The following CCDC175 variants were observed in gnomAD, a reference collection of about 807,000 sequenced individuals.
CCDC175 encodes coiled-coil domain-containing protein 175.
CCDC175 carries 100 observed loss-of-function variants against 114.6 expected under a neutral mutation model. That is an observed-to-expected ratio of 0.87 (90% CI 0.74 to 1.03). The LOEUF is 1.03. CCDC175 is among the 50% of genes least tolerant of loss of function. The pLI is 0.00. For missense variants in CCDC175, 880 were observed against 917.8 expected (o/e 0.96, Z 0.53); for synonymous variants, 306 against 308.7 (o/e 0.99, Z 0.09).
chr14:59,557,385 A>G (rs1453192863), intron 7 of CCDC175, among the ~76,000 whole-genome samples: 1 of 147,098 alleles, frequency 6.8e-6, no homozygotes, highest in Non-Finnish European at 1.5e-5. Context: ...CAAACATCCC[A>G]TGTTCTCACT....
chr14:59,547,833 ATAAAT>A (rs1895208009), intron 8 of CCDC175, among the ~76,000 whole-genome samples: 3 of 152,358 alleles, frequency 2.0e-5, no homozygotes. Context: ...ATTAAAATTA[ATAAAT>A]TATATTCATC....
At position 59,506,171 on chromosome 14, in the gene CCDC175, C is replaced by T. The variant is rs113856235; in HGVS notation, c.2306-856G>A. The stretch of plus-strand genomic sequence containing the variant: ...ATATTTGTCTAAAACTATTAGTTTG[C>T]GAGACTATTGCACATTGAAGCCATC... On this transcript the variant is annotated intron_variant, in intron 19 of 19. Transcript: ENST00000537690. Among the ~76,000 whole-genome samples, 395 of 151,446 alleles carry T rather than the reference C, an allele frequency of 2.6e-3. 1 individual carries two copies. Among genetic ancestry groups the T allele is most frequent in the African/African-American group, 6.9e-3 (283 of 41,264 alleles).
intron 16 of CCDC175, among the ~76,000 whole-genome samples, chr14:59,522,725 A>T (rs1354219902): frequency 6.6e-6 from 1 of 152,168 alleles, no homozygotes; most frequent in Non-Finnish European, 1.5e-5. Context: ...CTGCCTCTAC[A>T]TTAATGATAC....
chr14:59,565,424 G>C, intron 4 of CCDC175, 149 bp from the exon 5 acceptor site: 1 of 724,224 alleles, frequency 1.4e-6, no homozygotes, highest in Non-Finnish European at 2.2e-6. Context: ...TTGGTTGAAG[G>C]CCAGGTGCAG....
intron 16 of CCDC175, among the ~76,000 whole-genome samples, chr14:59,524,887 G>A (rs1172086852): frequency 6.6e-6 from 1 of 152,124 alleles, no homozygotes; most frequent in African/African-American, 2.4e-5. Context: ...ACAGAACTAA[G>A]AATAACAAAC....
At chr14:59,515,119 G>C (rs1270562832) in intron 17 of CCDC175, among the ~76,000 whole-genome samples, 4 of 152,148 alleles carry the variant, frequency 2.6e-5, no homozygotes, top group Non-Finnish European at 4.4e-5. Context: ...CAAATGATGA[G>C]AGATTTTGTC....
At chr14:59,553,337 A>G (rs1232516932) in intron 7 of CCDC175, among the ~76,000 whole-genome samples, 3 of 152,240 alleles carry the variant, frequency 2.0e-5, no homozygotes, top group Non-Finnish European at 4.4e-5. Flanking sequence ...AGAATTTTCA[A>G]CCCAGAATTT....
intron 13 of CCDC175, 46 bp downstream of exon 13, chr14:59,537,976 CT>C (rs1360430451): frequency 7.4e-7 from 1 of 1,358,962 alleles, no homozygotes; most frequent in Non-Finnish European, 1.0e-6. Flanking sequence ...CCCCCTCCCC[CT>C]CATGTAGTCA....
intron 9 of CCDC175, 49 bp downstream of exon 9, chr14:59,545,114 C>T: frequency 1.3e-6 from 2 of 1,489,668 alleles, no homozygotes; most frequent in Non-Finnish European, 1.8e-6. Flanking sequence ...GCAAGAAAAG[C>T]ACCCCATAAT....
chr14:59,562,798 C>T (rs769213392), intron 6 of CCDC175, among the ~76,000 whole-genome samples: 12 of 152,116 alleles, frequency 7.9e-5, no homozygotes, highest in South Asian at 2.1e-4. Context: ...AGATAGAATA[C>T]GTTTTATATA....
chr14:59,518,978 C>T (rs1407708350), intron 17 of CCDC175, among the ~76,000 whole-genome samples: 1 of 152,178 alleles, frequency 6.6e-6, no homozygotes, highest in Non-Finnish European at 1.5e-5. Context: ...GCATGGAATA[C>T]TATGCAGCCA....
chr14:59,568,188 T>G (rs1896660749), intron 4 of CCDC175, 57 bp downstream of exon 4: 6 of 1,464,804 alleles, frequency 4.1e-6, no homozygotes, highest in Non-Finnish European at 5.4e-6. Context: ...CCCGACAATT[T>G]TCCCACTCCA....
intron 19 of CCDC175, 170 bp from the exon 20 acceptor site, chr14:59,505,485 T>G (rs896717075): frequency 4.3e-5 from 17 of 395,890 alleles, no homozygotes; most frequent in Non-Finnish European, 7.6e-5. Flanking sequence ...GGACTATATC[T>G]TCTGGTCCAC....
rs572046561 is a variant in CCDC175, at chr14:59,557,460, C to G, written c.953+3659G>C. ...GAAGGGGAACCTCACACACCGGGGC[C>G]TGTTGTGGGGTGGGGGGAGGGGGGA... On this transcript the variant is annotated intron_variant, in intron 7 of 19. Transcript: ENST00000537690. Among the ~76,000 whole-genome samples, 256 of 105,642 alleles carry G rather than the reference C, an allele frequency of 2.4e-3. 1 individual carries two copies. Among genetic ancestry groups the G allele is most frequent in the African/African-American group, 8.9e-3 (227 of 25,644 alleles). The allele number at this position is 105,642 out of a possible 152,430, so 69.3% of individuals were successfully genotyped here.
At chr14:59,523,860 G>A (rs1235640080) in intron 16 of CCDC175, among the ~76,000 whole-genome samples, 7 of 152,076 alleles carry the variant, frequency 4.6e-5, no homozygotes, top group Non-Finnish European at 1.0e-4. Flanking sequence ...ATGGTGGCGG[G>A]CACCTGTAGT....
intron 17 of CCDC175, among the ~76,000 whole-genome samples, chr14:59,513,843 G>A (rs1222815825): frequency 6.6e-6 from 1 of 152,206 alleles, no homozygotes; most frequent in African/African-American, 2.4e-5. Flanking sequence ...CGCAGCTGGA[G>A]ATCTGAGAAT....
At chr14:59,558,456 G>C (rs1216381331) in intron 7 of CCDC175, among the ~76,000 whole-genome samples, 1 of 152,150 alleles carries the variant, frequency 6.6e-6, no homozygotes, top group Non-Finnish European at 1.5e-5. Context: ...GTAAGAAATA[G>C]ATATATTCAG....
At chr14:59,530,366 C>CA (rs905873106) in intron 14 of CCDC175, among the ~76,000 whole-genome samples, 70 of 122,624 alleles carry the variant, frequency 5.7e-4, no homozygotes, top group African/African-American at 2.0e-3. Flanking sequence ...GACTCCATCT[C>CA]AAAAAAAGAA....
At position 59,525,317 on chromosome 14, in the gene CCDC175, C is replaced by T; in HGVS notation, c.1960G>A (p.Asp654Asn). ...TTTTTATTTTCCAGGAGCAGAAGAT[C>T]TGCTTTTTGGTCATTTATATAGAAT... is the stretch of plus-strand genomic sequence containing the variant. The part of the protein sequence containing the change: ...NGFYINDQKA[D>N]LLLLENKKLK... Residue 654 changes from aspartate (D) to asparagine (N), a missense_variant, in exon 16 of 20, where the codon GAT (aspartate) becomes AAT (asparagine). Asp to Asn is a conservative substitution (Grantham distance 23). Transcript: ENST00000537690. The T allele has an allele frequency of 6.9e-7, 1 of 1,459,496 alleles. No homozygotes were observed. Among genetic ancestry groups the T allele is most frequent in the Non-Finnish European group, 9.0e-7 (1 of 1,116,236 alleles). 90.4% of individuals were successfully genotyped at this position (1,459,496 alleles called of 1,614,324 possible). A position where few individuals can be genotyped will look rare whatever the true frequency, so the allele number is the denominator to read the frequency against.
Sources: allele counts gnomAD v4.1 joint callset (sites outside exome capture counted in the v4.1 genomes callset), GRCh38; gene constraint gnomAD v4.1.1; transcripts MANE v1.5; gene names NCBI Gene and HGNC (gene_info 2026-07-23, HGNC 2026-07-21).